SYT14: variants seen among roughly 807,000 people sequenced by gnomAD.
SYT14 encodes synaptotagmin 14, also known as synaptotagmin-14.
A neutral mutation model predicts 74.2 loss-of-function variants in SYT14; 32 were observed. The observed-to-expected ratio is 0.43, with a 90% confidence interval of 0.33 to 0.58. The LOEUF is 0.58. Among genes scored for constraint, SYT14 ranks in the 20% least tolerant of loss-of-function variants. SYT14 has a pLI of 0.05. For synonymous variants in SYT14, 298 were observed against 337.7 expected (o/e 0.88, Z 1.29); for missense variants, 791 against 981.8 (o/e 0.81, Z 2.60).
intron 7 of SYT14, among the ~76,000 whole-genome samples, chr1:210,139,494 T>C (rs561180962): frequency 6.6e-6 from 1 of 152,280 alleles, no homozygotes; most frequent in East Asian, 1.9e-4. Flanking sequence ...TTCATAACTA[T>C]TGAGACATGA....
At chr1:210,163,807 T>C (rs750610668) in exon 10 of SYT14, 42 of 453,740 alleles carry the variant, frequency 9.3e-5, no homozygotes, top group South Asian at 6.4e-4. Flanking sequence ...TACTGCTTCT[T>C]TGTGTGCTTG....
chr1:210,069,310 C>T (rs2081352300), intron 5 of SYT14, among the ~76,000 whole-genome samples: 1 of 151,944 alleles, frequency 6.6e-6, no homozygotes, highest in Non-Finnish European at 1.5e-5. Context: ...GAGTTCAACT[C>T]ATCTGCTGTA....
intron 5 of SYT14, among the ~76,000 whole-genome samples, chr1:210,028,274 T>C (rs2102981811): frequency 6.6e-6 from 1 of 152,284 alleles, no homozygotes; most frequent in Non-Finnish European, 1.5e-5. Flanking sequence ...AAAATTGTGG[T>C]AAAATACACA....
At chr1:210,019,131 C>CAA (rs1215149823) in intron 4 of SYT14, among the ~76,000 whole-genome samples, 7,900 of 56,308 alleles carry the variant, frequency 0.14, 2,009 homozygotes, top group African/African-American at 0.49. Context: ...TGAGACTCCT[C>CAA]AAAAAAAAAA....
intron 5 of SYT14, among the ~76,000 whole-genome samples, chr1:210,030,632 G>A (rs2080510482): frequency 6.6e-6 from 1 of 152,146 alleles, no homozygotes; most frequent in South Asian, 2.1e-4. Flanking sequence ...TTGAGTTGAA[G>A]TGGTGAAAGT....
intron 2 of SYT14, among the ~76,000 whole-genome samples, chr1:209,976,640 G>A (rs1354864332): frequency 6.6e-6 from 1 of 151,990 alleles, no homozygotes; most frequent in Non-Finnish European, 1.5e-5. Context: ...GGTCAATTTT[G>A]GAATAAGTAC....
Position 210,104,823 on chromosome 1 carries a change from A to C in SYT14, c.2034+4362A>C, listed in dbSNP as rs1446377902. Among the ~76,000 whole-genome samples, 3 of 152,338 alleles carry C rather than the reference A, an allele frequency of 2.0e-5. No individual in the cohort carries two copies. The East Asian group carries it at 5.8e-4, about 29-fold the overall frequency. ...TGATCTCTTCAGAGTGGCTAGCAAT[A>C]ATAATAGTGAGGCTATTGGACAATT... On this transcript the variant is annotated intron_variant, in intron 7 of 9. Transcript: ENST00000637265.
chr1:209,999,647 GAC>G (rs543017324), intron 2 of SYT14, among the ~76,000 whole-genome samples: 105 of 152,246 alleles, frequency 6.9e-4, no homozygotes, highest in Non-Finnish European at 1.1e-3. Context: ...AAATAAGCCA[GAC>G]ACACACAGAA....
chr1:210,031,368 A>C (rs891918661), intron 5 of SYT14, among the ~76,000 whole-genome samples: 2 of 151,662 alleles, frequency 1.3e-5, no homozygotes, highest in African/African-American at 4.8e-5. Context: ...CTTCATGGAG[A>C]TATTGGTCTG....
intron 5 of SYT14, among the ~76,000 whole-genome samples, chr1:210,081,236 G>C (rs2081610017): frequency 6.6e-6 from 1 of 152,098 alleles, no homozygotes; most frequent in Admixed American, 6.5e-5. Context: ...CCTTTAAAGA[G>C]TATAGAACCG....
intron 2 of SYT14, among the ~76,000 whole-genome samples, chr1:210,010,486 T>C (rs1179326069): frequency 6.6e-6 from 1 of 152,220 alleles, no homozygotes; most frequent in Non-Finnish European, 1.5e-5. Flanking sequence ...AAATGTACTT[T>C]TACTATTTAT....
exon 10 of SYT14, chr1:210,166,730 CAAT>C (rs1458102473): frequency 2.0e-5 from 3 of 152,012 alleles, no homozygotes; most frequent in South Asian, 4.1e-4. Flanking sequence ...GAAGGGAGCC[CAAT>C]AATCTACATT....
At chr1:210,094,718 T>C in intron 6 of SYT14, 125 bp downstream of exon 5, 1 of 1,146,824 alleles carries the variant, frequency 8.7e-7, no homozygotes, top group Non-Finnish European at 1.3e-6. Flanking sequence ...AGTACCAGTA[T>C]CCATCCTTAA....
chr1:209,999,040 A>G (rs183285219), intron 2 of SYT14, among the ~76,000 whole-genome samples: 1 of 152,096 alleles, frequency 6.6e-6, no homozygotes, highest in Non-Finnish European at 1.5e-5. Flanking sequence ...ATTAGCAGGA[A>G]CTTATTTGAC....
chr1:210,081,124 A>G (rs1189126427), intron 5 of SYT14, among the ~76,000 whole-genome samples: 3 of 152,192 alleles, frequency 2.0e-5, no homozygotes, highest in Non-Finnish European at 4.4e-5. Context: ...TCTGAGAAGG[A>G]GAGGCTGAGA....
chr1:209,977,958 A>G (rs2079400135), intron 2 of SYT14, among the ~76,000 whole-genome samples: 1 of 151,986 alleles, frequency 6.6e-6, no homozygotes, highest in East Asian at 1.9e-4. Context: ...CATTCACTTG[A>G]TCTTCCATCA....
Position 210,101,665 on chromosome 1 carries a change from GA to G in SYT14, c.2034+1210del, listed in dbSNP as rs150978778. On this transcript the variant is annotated intron_variant, in intron 7 of 9. Coordinates refer to ENST00000637265, the Ensembl canonical transcript of SYT14. ...AATAATAGCAGCTTAAAAGAGGGGA[GA>G]AAAAAGAGTTCAGGCAATATTTCGG... Among the ~76,000 whole-genome samples, 2,315 of 148,230 alleles carry G rather than the reference GA, an allele frequency of 0.016. 181 individuals carry two copies. In the East Asian group the frequency reaches 0.25, roughly 16 times the overall value.
chr1:209,958,407 T>C (rs751793213), intron 2 of SYT14, among the ~76,000 whole-genome samples: 5 of 151,824 alleles, frequency 3.3e-5, no homozygotes, highest in Non-Finnish European at 5.9e-5. Flanking sequence ...AATCAGCTTG[T>C]CAAGTTCCTT....
chr1:210,069,715 C>T (rs2081359166), intron 5 of SYT14, among the ~76,000 whole-genome samples: 2 of 151,778 alleles, frequency 1.3e-5, no homozygotes, highest in African/African-American at 4.8e-5. Flanking sequence ...ATGTATTTAT[C>T]GCAGTACTTT....
Sources: allele counts gnomAD v4.1 joint callset (sites outside exome capture counted in the v4.1 genomes callset), GRCh38; gene constraint gnomAD v4.1.1; transcripts MANE v1.5; gene names NCBI Gene and HGNC (gene_info 2026-07-23, HGNC 2026-07-21).